BTAF1: variants seen among roughly 807,000 people sequenced by gnomAD.
The protein encoded by BTAF1 is TATA-binding protein-associated factor 172.
A neutral mutation model predicts 227.1 loss-of-function variants in BTAF1; 38 were observed. That is an observed-to-expected ratio of 0.17 (90% confidence interval 0.13 to 0.22). BTAF1 has a LOEUF of 0.22. BTAF1 is among the 10% of genes least tolerant of loss of function. The probability of loss-of-function intolerance (pLI) is 1.00; values close to 1 mark genes in which losing one functional copy is unlikely to be tolerated. For synonymous variants in BTAF1, 742 were observed against 751.9 expected (o/e 0.99, Z 0.21); for missense variants, 1,598 against 2,204.0 (o/e 0.73, Z 5.51).
rs138586209 is a variant in BTAF1, at chr10:91,929,208, T to A, written c.14+5118T>A. 4.2e-4 allele frequency among the ~76,000 whole-genome samples: 64 copies of A among 152,362 alleles called. No homozygotes were observed. The East Asian group carries it at 6.7e-3, about 16-fold the overall frequency. On this transcript the variant is annotated intron_variant, in intron 1 of 37. Coordinates refer to ENST00000265990, the MANE Select transcript of BTAF1 (RefSeq NM_003972.3). ...CTTGTTTTTGCTACCTTTGCCTGTTTATGCCACAATTAATGGAACTGATCA... is the reference window on the plus strand; with the variant it reads ...CTTGTTTTTGCTACCTTTGCCTGTTAATGCCACAATTAATGGAACTGATCA...
chr10:92,009,346 G>GT (rs1850146980), intron 28 of BTAF1, 138 bp downstream of exon 28: 2 of 914,596 alleles, frequency 2.2e-6, no homozygotes, highest in South Asian at 3.6e-5. Flanking sequence ...AAAAGTGAAT[G>GT]TACTTTGGGA....
rs545512872 is a variant in BTAF1, at chr10:92,026,665, G to A, written c.5149G>A (p.Gly1717Ser). 1 of 1,613,962 alleles carries A rather than the reference G, an allele frequency of 6.2e-7. No homozygotes were observed. Among genetic ancestry groups the A allele is most frequent in the Non-Finnish European group, 8.5e-7 (1 of 1,179,968 alleles). Residue 1717 changes from glycine (G) to serine (S), a missense_variant, in exon 36 of 38, where the codon GGC (glycine) becomes AGC (serine). Physicochemically the swap from Gly to Ser is moderately conservative, Grantham distance 56. Transcript: ENST00000265990. ...TGGTGGCCTGGGACTTAATTTGACA[G>A]GCGCTGACACAGTAGTATTTGTGGA... Reference protein sequence around the residue: ...HVGGLGLNLTGADTVVFVEHD... With the variant: ...HVGGLGLNLTSADTVVFVEHD...
intron 19 of BTAF1, among the ~76,000 whole-genome samples, chr10:91,986,170 C>G (rs183036479): frequency 6.6e-6 from 1 of 152,242 alleles, no homozygotes; most frequent in East Asian, 1.9e-4. Context: ...GTTTTTCTTA[C>G]AGATATCTAA....
intron 18 of BTAF1, 86 bp downstream of exon 18, chr10:91,982,847 A>G: frequency 7.5e-7 from 1 of 1,324,686 alleles, no homozygotes; most frequent in Non-Finnish European, 1.0e-6. Flanking sequence ...CAGAAAAGTG[A>G]AAATTTTCGA....
chr10:92,004,502 C>G (rs562942463), intron 25 of BTAF1, among the ~76,000 whole-genome samples: 143 of 152,282 alleles, frequency 9.4e-4, no homozygotes, highest in African/African-American at 7.2e-4. Context: ...AGGTCTCACT[C>G]TGTTGCCCAG....
chr10:92,029,408 G>T lies in BTAF1; in HGVS notation c.*475G>T. ...ATATAAGAATAATGACTATGATATT[G>T]GTCAGTCTTAGAACATGAAAATGTC... On this transcript the variant is annotated 3_prime_UTR_variant, in exon 38 of 38. Coordinates refer to ENST00000265990, the MANE Select transcript of BTAF1 (RefSeq NM_003972.3). The T allele has an allele frequency of 6.6e-6, 1 of 152,310 alleles. No individual in the cohort carries two copies. Among genetic ancestry groups the T allele is most frequent in the Non-Finnish European group, 1.5e-5 (1 of 67,982 alleles). 9.4% of individuals were successfully genotyped at this position (152,310 alleles called of 1,614,324 possible).
At chr10:91,931,668 C>T (rs982623149) in intron 1 of BTAF1, among the ~76,000 whole-genome samples, 1 of 152,162 alleles carries the variant, frequency 6.6e-6, no homozygotes. Flanking sequence ...TTCCTCTTCC[C>T]CACAAGTTCA....
chr10:91,971,646 A>T (rs1310058015), intron 14 of BTAF1, among the ~76,000 whole-genome samples: 3 of 151,592 alleles, frequency 2.0e-5, no homozygotes, highest in African/African-American at 7.3e-5. Context: ...TAATTTTTGT[A>T]TTTTTAGTAG....
At chr10:91,954,826 G>A (rs1434142444) in intron 6 of BTAF1, among the ~76,000 whole-genome samples, 2 of 152,224 alleles carry the variant, frequency 1.3e-5, no homozygotes, top group East Asian at 1.9e-4. Flanking sequence ...CCAAAGTGTC[G>A]GGATTATAGG....
intron 6 of BTAF1, among the ~76,000 whole-genome samples, chr10:91,955,214 C>G (rs988902374): frequency 2.0e-5 from 3 of 152,138 alleles, no homozygotes; most frequent in African/African-American, 4.8e-5. Context: ...TTTATTCATA[C>G]AAGCACTTTT....
rs992393785 is a variant in BTAF1, at chr10:92,020,441, G to T, written c.4863+1506G>T. Among the ~76,000 whole-genome samples the T allele has an allele frequency of 4.8e-4, 73 of 152,124 alleles. 2 individuals are homozygous for T. Among genetic ancestry groups the T allele is most frequent in the Non-Finnish European group, 4.4e-5 (3 of 68,006 alleles). The stretch of plus-strand genomic sequence containing the variant: ...TACCCTTATAAACGAAGATTTTATT[G>T]TAAAATCTAGACTTTAGTAATTGTT... On this transcript the variant is annotated intron_variant, in intron 34 of 37. Transcript: ENST00000265990.
At position 91,991,259 on chromosome 10, in the gene BTAF1, A is replaced by AATATAAATATAAATATATATATATATAT. The variant is rs1848713679; in HGVS notation, c.2855-851_2855-824dup. Among the ~76,000 whole-genome samples the AATATAAATATAAATATATATATATATAT allele has an allele frequency of 1.5e-3, 96 of 63,090 alleles. 1 individual carries two copies. Among genetic ancestry groups the AATATAAATATAAATATATATATATATAT allele is most frequent in the African/African-American group, 3.2e-3 (94 of 29,482 alleles). The allele number at this position is 63,090 out of a possible 152,430, so 41.4% of individuals were successfully genotyped here. A position where few individuals can be genotyped will look rare whatever the true frequency, so the allele number is the denominator to read the frequency against. On this transcript the variant is annotated intron_variant, in intron 20 of 37. Transcript: ENST00000265990. The stretch of plus-strand genomic sequence containing the variant: ...AGACTCCGTCTCAAAAAAATATATA[A>AATATAAATATAAATATATATATATATAT]ATATAAATATAAATATATATATATA...
chr10:91,993,311 C>T (rs1848925542), intron 21 of BTAF1, among the ~76,000 whole-genome samples: 1 of 152,034 alleles, frequency 6.6e-6, no homozygotes, highest in Non-Finnish European at 1.5e-5. Flanking sequence ...TTGTACTATC[C>T]CTTAAGTGAA....
In BTAF1 at chr10:91,981,799, G is replaced by T. The variant is rs1848078388; in HGVS notation, c.1905+7G>T. 6.2e-7 allele frequency: 1 copy of T among 1,610,010 alleles called. No homozygotes were observed. Among genetic ancestry groups the T allele is most frequent in the South Asian group, 1.1e-5 (1 of 90,516 alleles). On this transcript the variant is annotated splice_region_variant and intron_variant, in intron 16 of 37. Coordinates refer to ENST00000265990, the MANE Select transcript of BTAF1 (RefSeq NM_003972.3). ...AGTAAAAGCTAGAGCCAAGGTAAGT[G>T]TAGAGGGACATAGTGTATTTGTGTG... is the stretch of plus-strand genomic sequence containing the variant.
chr10:91,928,770 C>T (rs201408191), intron 1 of BTAF1, among the ~76,000 whole-genome samples: 4 of 109,476 alleles, frequency 3.7e-5, no homozygotes, highest in East Asian at 3.0e-4. Flanking sequence ...TCCCCCCCCC[C>T]CCCGCCCCCC....
intron 17 of BTAF1, 114 bp from the exon 18 acceptor site, chr10:91,982,472 CA>C: frequency 7.5e-7 from 1 of 1,327,068 alleles, no homozygotes; most frequent in Non-Finnish European, 1.0e-6. Flanking sequence ...GTTATGGCTT[CA>C]AAAAGCCAAA....
intron 36 of BTAF1, 134 bp from the exon 37 acceptor site, chr10:92,026,996 C>A: frequency 1.0e-6 from 1 of 993,796 alleles, no homozygotes; most frequent in Non-Finnish European, 1.5e-6. Flanking sequence ...ATTTTGAGCT[C>A]ATGTGGCCAG....
At chr10:91,949,662 G>A (rs1398084542) in intron 4 of BTAF1, among the ~76,000 whole-genome samples, 3 of 152,038 alleles carry the variant, frequency 2.0e-5, no homozygotes, top group African/African-American at 2.4e-5. Context: ...TAGCTGCATT[G>A]TCTGGAGTCT....
chr10:91,965,730 A>T (rs11186774), intron 13 of BTAF1, among the ~76,000 whole-genome samples: 41,495 of 152,036 alleles, frequency 0.27, 6,925 homozygotes, highest in Non-Finnish European at 0.38. Context: ...TAATGCTTTT[A>T]TGTGTTTTGT....
Sources: gnomAD v4.1 joint callset for allele counts (sites outside exome capture counted in the v4.1 genomes callset) on GRCh38, gnomAD v4.1.1 for gene constraint, MANE v1.5 for transcripts, NCBI Gene and HGNC (gene_info 2026-07-23, HGNC 2026-07-21) for gene names.